The following AKAP13 variants were observed in gnomAD, a reference collection of about 807,000 sequenced individuals.
The protein encoded by AKAP13 is A-kinase anchor protein 13.
Under a neutral mutation model 264.5 loss-of-function variants are expected in AKAP13, and 80 were observed. The observed-to-expected ratio is 0.30, with a 90% CI of 0.25 to 0.36. The LOEUF (loss-of-function observed/expected upper bound fraction) is 0.36. Ranked by LOEUF, AKAP13 falls within the 10% of genes least tolerant of loss-of-function variation. AKAP13 has a pLI of 1.00. For missense variants in AKAP13, 3,712 were observed against 3,435.2 expected (o/e 1.08, Z -2.01); for synonymous variants, 1,380 against 1,250.2 (o/e 1.10, Z -2.19).
Position 85,404,384 on chromosome 15 carries a change from C to T in AKAP13, c.-12+23586C>T, listed in dbSNP as rs553472597. Among the ~76,000 whole-genome samples the T allele has an allele frequency of 3.0e-4, 45 of 152,308 alleles. No homozygotes were observed. In the South Asian group the frequency reaches 7.5e-3, roughly 25 times the overall value. ...GCCACAGTTTGGTTCTGCAACAACA[C>T]GCTTTAAAAACTGTTCTCTCACTGT... On this transcript the variant is annotated intron_variant, in intron 1 of 36. Coordinates refer to ENST00000394518, the MANE Select transcript of AKAP13 (RefSeq NM_007200.5).
chr15:85,508,719 A>G (rs942818764), intron 2 of AKAP13, among the ~76,000 whole-genome samples: 1 of 152,122 alleles, frequency 6.6e-6, no homozygotes, highest in Non-Finnish European at 1.5e-5. Context: ...GAAAAAGAAA[A>G]AAAAATCCAT....
At chr15:85,588,037 T>G (rs1005281448) in intron 8 of AKAP13, among the ~76,000 whole-genome samples, 2 of 152,114 alleles carry the variant, frequency 1.3e-5, no homozygotes, top group Non-Finnish European at 2.9e-5. Flanking sequence ...ATTAGAAAGC[T>G]GAAAATCAAG....
At chr15:85,494,593 G>T (rs1177343733) in intron 2 of AKAP13, among the ~76,000 whole-genome samples, 3 of 152,146 alleles carry the variant, frequency 2.0e-5, no homozygotes, top group Non-Finnish European at 4.4e-5. Flanking sequence ...GACTGGTGAC[G>T]AATTTGATGA....
At chr15:85,629,146 A>G (rs377010062) in intron 8 of AKAP13, among the ~76,000 whole-genome samples, 3 of 152,088 alleles carry the variant, frequency 2.0e-5, no homozygotes, top group Non-Finnish European at 4.4e-5. Flanking sequence ...GCAGTGAGGT[A>G]TGATTGCACC....
intron 6 of AKAP13, among the ~76,000 whole-genome samples, chr15:85,576,095 C>T (rs1026723): frequency 0.61 from 93,379 of 152,034 alleles, 28,844 homozygotes; most frequent in Middle Eastern, 0.72. Flanking sequence ...AGGTTGTAGC[C>T]GTAGGGGGAC....
intron 16 of AKAP13, chr15:85,689,846 T>C (rs990757933): frequency 2.6e-5 from 4 of 152,258 alleles, no homozygotes; most frequent in Admixed American, 2.6e-4. Flanking sequence ...AGCAGCAGCA[T>C]TCAAACAGTT....
chr15:85,489,848 C>T (rs1031222266), intron 2 of AKAP13, among the ~76,000 whole-genome samples: 1 of 152,196 alleles, frequency 6.6e-6, no homozygotes, highest in Admixed American at 6.5e-5. Context: ...CAATTAAGCT[C>T]TTTTAATGAA....
chr15:85,419,948 T>TG (rs1433581058), intron 1 of AKAP13, among the ~76,000 whole-genome samples: 3 of 141,366 alleles, frequency 2.1e-5, no homozygotes, highest in Non-Finnish European at 3.1e-5. Flanking sequence ...TTTTTTTTTT[T>TG]TTTTTTTTTT....
intron 8 of AKAP13, among the ~76,000 whole-genome samples, chr15:85,618,022 G>A (rs1398646800): frequency 2.0e-5 from 3 of 152,228 alleles, no homozygotes; most frequent in African/African-American, 4.8e-5. Context: ...CTCACTTGGG[G>A]CACGAGAAGG....
At position 85,664,790 on chromosome 15, in the gene AKAP13, T is replaced by C. The variant is rs542893332; in HGVS notation, c.4992+35T>C. On this transcript the variant is annotated intron_variant, in intron 13 of 36. Coordinates refer to ENST00000394518, the MANE Select transcript of AKAP13 (RefSeq NM_007200.5). ...AAATATGTCTAATTTGGAAAAAATA[T>C]ATTTCACAAAATATGAACATAGAAG... 138 of 1,584,268 alleles carry C rather than the reference T, an allele frequency of 8.7e-5. 1 individual carries two copies. The South Asian group carries it at 1.4e-3, about 16-fold the overall frequency.
At chr15:85,527,825 A>G (rs1406344981) in intron 3 of AKAP13, among the ~76,000 whole-genome samples, 3 of 152,210 alleles carry the variant, frequency 2.0e-5, no homozygotes, top group Admixed American at 6.5e-5. Flanking sequence ...TAACCCTATC[A>G]TAGACACTTC....
chr15:85,645,590 G>A (rs1596872404), intron 9 of AKAP13, among the ~76,000 whole-genome samples: 2 of 152,098 alleles, frequency 1.3e-5, no homozygotes, highest in Admixed American at 1.3e-4. Flanking sequence ...TGATTGTCCT[G>A]TAGGAGCTAT....
chr15:85,392,044 A>G (rs931067262), intron 1 of AKAP13, among the ~76,000 whole-genome samples: 1 of 151,872 alleles, frequency 6.6e-6, no homozygotes, highest in Admixed American at 6.6e-5. Context: ...CCGCTTCCCA[A>G]AGTGCTGGGA....
chr15:85,694,299 ACT>A (rs1421503503), intron 17 of AKAP13, among the ~76,000 whole-genome samples: 2 of 152,190 alleles, frequency 1.3e-5, no homozygotes, highest in East Asian at 3.8e-4. Flanking sequence ...TTGATAAGAC[ACT>A]CTCAGGCAGG....
intron 10 of AKAP13, among the ~76,000 whole-genome samples, chr15:85,650,619 G>A (rs1387127140): frequency 4.0e-5 from 6 of 151,070 alleles, no homozygotes; most frequent in Admixed American, 4.0e-4. Flanking sequence ...AGCTGGGCGT[G>A]GTGGCAGGCG....
At chr15:85,587,410 C>T (rs2079405444) in intron 8 of AKAP13, among the ~76,000 whole-genome samples, 1 of 152,184 alleles carries the variant, frequency 6.6e-6, no homozygotes, top group Non-Finnish European at 1.5e-5. Context: ...TTGTCAAATA[C>T]TGTTCCGTTG....
intron 21 of AKAP13, 79 bp from the exon 22 acceptor site, chr15:85,717,928 C>T: frequency 7.2e-7 from 1 of 1,389,104 alleles, no homozygotes; most frequent in Non-Finnish European, 1.0e-6. Context: ...AATCAACTAT[C>T]ATCTTGAGGA....
chr15:85,482,698 C>T (rs1216014157), intron 1 of AKAP13, among the ~76,000 whole-genome samples: 1 of 152,118 alleles, frequency 6.6e-6, no homozygotes, highest in Non-Finnish European at 1.5e-5. Context: ...TTTGAAAGAT[C>T]AATTTTTTTC....
At chr15:85,669,236 TA>T (rs910469195) in intron 13 of AKAP13, among the ~76,000 whole-genome samples, 11 of 151,452 alleles carry the variant, frequency 7.3e-5, no homozygotes, top group African/African-American at 9.7e-5. Context: ...AGACTCTGTC[TA>T]AAAAAAAATA....
Sources: allele counts gnomAD v4.1 joint callset (sites outside exome capture counted in the v4.1 genomes callset), GRCh38; gene constraint gnomAD v4.1.1; transcripts MANE v1.5; gene names NCBI Gene and HGNC (gene_info 2026-07-23, HGNC 2026-07-21).